SCN8A: variants seen among roughly 807,000 people sequenced by gnomAD.
The protein encoded by SCN8A is sodium voltage-gated channel alpha subunit 8, also known as sodium channel protein type 8 subunit alpha.
SCN8A carries 30 observed loss-of-function variants against 184.1 expected under a neutral mutation model. The ratio of observed to expected loss-of-function variants is 0.16; its 90% CI spans 0.12 to 0.22. SCN8A has a LOEUF of 0.22. Ranked by LOEUF, SCN8A falls within the 10% of genes least tolerant of loss-of-function variation. SCN8A has a pLI of 1.00. For missense variants in SCN8A, 1,057 were observed against 2,498.9 expected (o/e 0.42, Z 12.30); for synonymous variants, 852 against 907.0 (o/e 0.94, Z 1.09).
At position 51,811,922 on chromosome 12, in the gene SCN8A, G is replaced by A. The variant is rs1938915097; in HGVS notation, c.*4493G>A. On this transcript the variant is annotated 3_prime_UTR_variant, in exon 27 of 27. Transcript: ENST00000627620. ...TTTCTTTTCTCAGATGTTGCCCACAGTTTAGCAAAAAGCTTCGTTCATTTT... is the reference window on the plus strand; with the variant it reads ...TTTCTTTTCTCAGATGTTGCCCACAATTTAGCAAAAAGCTTCGTTCATTTT... 6.6e-6 allele frequency: 1 copy of A among 152,218 alleles called. No homozygotes were observed. 9.4% of individuals were successfully genotyped at this position (152,218 alleles called of 1,614,324 possible). A position where few individuals can be genotyped will look rare whatever the true frequency, so the allele number is the denominator to read the frequency against.
At chr12:51,763,037 AT>A (rs1376503487) in intron 15 of SCN8A, among the ~76,000 whole-genome samples, 1 of 152,128 alleles carries the variant, frequency 6.6e-6, no homozygotes, top group Non-Finnish European at 1.5e-5. Context: ...TAGTGAATCT[AT>A]TTTTTTAAAT....
intron 25 of SCN8A, among the ~76,000 whole-genome samples, chr12:51,793,112 A>C (rs1453405708): frequency 1.3e-5 from 2 of 152,196 alleles, no homozygotes; most frequent in African/African-American, 2.4e-5. Context: ...GATGAGGGCA[A>C]GAGAAGAAGT....
At chr12:51,714,922 A>T (rs1191673829) in intron 11 of SCN8A, among the ~76,000 whole-genome samples, 1 of 152,210 alleles carries the variant, frequency 6.6e-6, no homozygotes, top group Non-Finnish European at 1.5e-5. Flanking sequence ...GAAGATTTTG[A>T]AAAGAGGGAG....
At chr12:51,773,813 A>G (rs1032374661) in intron 19 of SCN8A, among the ~76,000 whole-genome samples, 1 of 152,162 alleles carries the variant, frequency 6.6e-6, no homozygotes, top group Non-Finnish European at 1.5e-5. Flanking sequence ...CAGCCGTAAG[A>G]AGGAAAATCT....
At chr12:51,776,947 A>C (rs1937722497) in intron 20 of SCN8A, among the ~76,000 whole-genome samples, 1 of 152,174 alleles carries the variant, frequency 6.6e-6, no homozygotes, top group African/African-American at 2.4e-5. Flanking sequence ...CCTTTTATTT[A>C]TAATCCATAT....
intron 13 of SCN8A, among the ~76,000 whole-genome samples, chr12:51,747,076 C>G (rs531096229): frequency 1.5e-4 from 21 of 137,952 alleles, no homozygotes; most frequent in Non-Finnish European, 2.9e-4. Flanking sequence ...AGTGCCACTT[C>G]TACTCTGTGT....
At chr12:51,757,585 A>C (rs933499795) in intron 14 of SCN8A, among the ~76,000 whole-genome samples, 2 of 152,206 alleles carry the variant, frequency 1.3e-5, no homozygotes, top group African/African-American at 4.8e-5. Context: ...TATAGGCCTT[A>C]CTTGTTGACC....
intron 1 of SCN8A, among the ~76,000 whole-genome samples, chr12:51,645,440 C>A: frequency 6.6e-6 from 1 of 152,142 alleles, no homozygotes; most frequent in Non-Finnish European, 1.5e-5. Context: ...CGGCCACCAC[C>A]CTGTCTGGGA....
At chr12:51,680,932 A>T (rs1365133195) in intron 2 of SCN8A, among the ~76,000 whole-genome samples, 1 of 152,040 alleles carries the variant, frequency 6.6e-6, no homozygotes, top group East Asian at 1.9e-4. Flanking sequence ...TGAACCCGGG[A>T]GGCGGAGGTT....
At chr12:51,694,586 A>C (rs1229526419) in intron 6 of SCN8A, among the ~76,000 whole-genome samples, 2 of 152,128 alleles carry the variant, frequency 1.3e-5, no homozygotes, top group Non-Finnish European at 2.9e-5. Flanking sequence ...TCACTGTCCA[A>C]TTTGCCCCCA....
At chr12:51,593,855 A>G (rs1480698581) in intron 1 of SCN8A, among the ~76,000 whole-genome samples, 1 of 152,222 alleles carries the variant, frequency 6.6e-6, no homozygotes, top group Non-Finnish European at 1.5e-5. Context: ...CAACAGATCC[A>G]TATGTAAGCC....
At chr12:51,617,893 G>A (rs1030786840) in intron 1 of SCN8A, among the ~76,000 whole-genome samples, 3 of 152,122 alleles carry the variant, frequency 2.0e-5, no homozygotes, top group Non-Finnish European at 4.4e-5. Context: ...TCAGATCTGG[G>A]CAGCAGTATA....
At chr12:51,798,633 C>T (rs1039743156) in intron 26 of SCN8A, among the ~76,000 whole-genome samples, 6 of 152,198 alleles carry the variant, frequency 3.9e-5, no homozygotes, top group African/African-American at 1.4e-4. Flanking sequence ...CCACTATAGT[C>T]ACTTTGTTCA....
At chr12:51,626,580 C>T (rs1940083343) in intron 1 of SCN8A, among the ~76,000 whole-genome samples, 1 of 152,096 alleles carries the variant, frequency 6.6e-6, no homozygotes, top group Non-Finnish European at 1.5e-5. Context: ...TATTGAATAT[C>T]TACCATGCAC....
chr12:51,620,058 C>T (rs1335753107), intron 1 of SCN8A, among the ~76,000 whole-genome samples: 1 of 152,052 alleles, frequency 6.6e-6, no homozygotes, highest in African/African-American at 2.4e-5. Context: ...AAATTTTGTG[C>T]AAGAAACAGT....
Position 51,794,559 on chromosome 12 carries a change from C to G in SCN8A, c.4713C>G (p.Leu1571=). Residue 1571 remains leucine (L), a synonymous_variant, in exon 26 of 27, where the codon CTC becomes CTG. Transcript: ENST00000627620. ...TCTTCTTCACCTGTGAGTGTGTGCT[C>G]AAAATGTTTGCGTTGAGGCACTACT... ...FVIFFTCECV[L]KMFALRHYYF... 1.9e-6 allele frequency: 3 copies of G among 1,613,898 alleles called. No homozygotes were observed. The highest frequency in any genetic ancestry group is 2.5e-6 in the Non-Finnish European group (3 of 1,179,880).
intron 20 of SCN8A, among the ~76,000 whole-genome samples, chr12:51,774,791 G>A (rs1332437721): frequency 6.6e-6 from 1 of 152,170 alleles, no homozygotes; most frequent in East Asian, 1.9e-4. Context: ...GGTCTCTCCT[G>A]CTGACCATTC....
At position 51,690,510 on chromosome 12, in the gene SCN8A, A is replaced by G. The variant is rs570541358; in HGVS notation, c.706+1414A>G. Among the ~76,000 whole-genome samples the G allele has an allele frequency of 2.6e-5, 4 of 151,616 alleles. No homozygotes were observed. The South Asian group carries it at 8.4e-4, about 32-fold the overall frequency. On this transcript the variant is annotated intron_variant, in intron 6 of 26. Transcript: ENST00000627620. ...TGAGACCACAGGTGCATGCCATCAC[A>G]CCCAGCTCATTTTTAAAAAAAAATT...
rs369762196 is a variant in SCN8A, at chr12:51,788,765, C to T, written c.4281+17C>T. On this transcript the variant is annotated intron_variant, in intron 23 of 26. Coordinates refer to ENST00000627620, the MANE Select transcript of SCN8A (RefSeq NM_001330260.2). ...TCCCGGAAGGTAAGGATGTACATGGCGAAAATACCACCTTCTCAGATGGCT... is the reference window on the plus strand; with the variant it reads ...TCCCGGAAGGTAAGGATGTACATGGTGAAAATACCACCTTCTCAGATGGCT... The T allele has an allele frequency of 3.1e-5, 49 of 1,601,976 alleles. No homozygotes were observed. The highest frequency in any genetic ancestry group is 5.0e-5 in the Admixed American group (3 of 59,482).
Sources: gnomAD v4.1 joint callset for allele counts (sites outside exome capture counted in the v4.1 genomes callset) on GRCh38, gnomAD v4.1.1 for gene constraint, MANE v1.5 for transcripts, NCBI Gene and HGNC (gene_info 2026-07-23, HGNC 2026-07-21) for gene names.